The following ARID2 variants were observed in gnomAD, a reference collection of about 807,000 sequenced individuals.
The protein encoded by ARID2 is AT-rich interactive domain-containing protein 2.
ARID2 carries 32 observed loss-of-function variants against 184.6 expected under a neutral mutation model. The observed-to-expected ratio is 0.17, with a 90% CI of 0.13 to 0.23. The LOEUF (loss-of-function observed/expected upper bound fraction) is 0.23. ARID2 is among the 10% of genes least tolerant of loss of function. ARID2 has a pLI of 1.00. For synonymous variants in ARID2, 836 were observed against 772.6 expected (o/e 1.08, Z -1.36); for missense variants, 1,696 against 2,197.6 (o/e 0.77, Z 4.56).
In ARID2 at chr12:45,826,501, A is replaced by G. The variant is rs190137074; in HGVS notation, c.705+5014A>G. Among the ~76,000 whole-genome samples, 226 of 152,150 alleles carry G rather than the reference A, an allele frequency of 1.5e-3. 1 individual carries two copies. The highest frequency in any genetic ancestry group is 5.8e-4 in the East Asian group (3 of 5,172). On this transcript the variant is annotated intron_variant, in intron 6 of 20. Transcript: ENST00000334344. The stretch of plus-strand genomic sequence containing the variant: ...AGTGGTGCCATTGTAGTTCATTGCA[A>G]TGTCCTCGGCCCAAGGGATCCTCCT...
intron 5 of ARID2, 43 bp downstream of exon 5, chr12:45,817,931 GTT>G: frequency 7.5e-7 from 1 of 1,331,486 alleles, no homozygotes; most frequent in Non-Finnish European, 1.0e-6. Flanking sequence ...TTCTGTAAAA[GTT>G]TTTTTTTTAA....
chr12:45,879,568 C>G (rs1364864181), intron 16 of ARID2, among the ~76,000 whole-genome samples: 1 of 152,198 alleles, frequency 6.6e-6, no homozygotes, highest in African/African-American at 2.4e-5. Context: ...GGCTGATTCT[C>G]TGTATTCAAG....
intron 5 of ARID2, among the ~76,000 whole-genome samples, chr12:45,820,486 C>T (rs1286023028): frequency 2.0e-5 from 3 of 152,090 alleles, no homozygotes; most frequent in Non-Finnish European, 4.4e-5. Flanking sequence ...CATAACACGT[C>T]CAATAAGGAA....
intron 16 of ARID2, among the ~76,000 whole-genome samples, chr12:45,861,881 T>C (rs756976688): frequency 6.6e-6 from 1 of 152,162 alleles, no homozygotes; most frequent in Non-Finnish European, 1.5e-5. Context: ...CCAGCATTTG[T>C]TTTAATAGAC....
rs1433313806 is a variant in ARID2 at position 45,899,840 on chromosome 12, A to T, written c.5364-5094A>T. ...AATTTGAGCTAGTGCAATTGCTTTCATATTTCAAAATATGTCTATGTTACT... is the reference window on the plus strand; with the variant it reads ...AATTTGAGCTAGTGCAATTGCTTTCTTATTTCAAAATATGTCTATGTTACT... On this transcript the variant is annotated intron_variant, in intron 20 of 20. Transcript: ENST00000334344. Among the ~76,000 whole-genome samples the T allele has an allele frequency of 2.0e-5, 3 of 150,450 alleles. No homozygotes were observed. In the East Asian group the frequency reaches 5.9e-4, roughly 29 times the overall value.
At chr12:45,899,317 T>C (rs1448454827) in intron 20 of ARID2, among the ~76,000 whole-genome samples, 2 of 118,316 alleles carry the variant, frequency 1.7e-5, no homozygotes, top group Admixed American at 8.7e-5. Flanking sequence ...ACAAAAGTTA[T>C]AACCAGGCTG....
intron 3 of ARID2, among the ~76,000 whole-genome samples, chr12:45,798,518 T>C (rs530291715): frequency 4.6e-5 from 7 of 152,226 alleles, no homozygotes; most frequent in Non-Finnish European, 1.0e-4. Context: ...GTGTTATCTG[T>C]TCATGCTTTA....
chr12:45,853,914 A>G (rs2138183974), intron 15 of ARID2, among the ~76,000 whole-genome samples: 1 of 152,384 alleles, frequency 6.6e-6, no homozygotes, highest in East Asian at 1.9e-4. Flanking sequence ...ACTGACAGGT[A>G]CCAGTCCGTG....
chr12:45,740,894 A>C (rs927428551), intron 3 of ARID2, among the ~76,000 whole-genome samples: 1 of 152,176 alleles, frequency 6.6e-6, no homozygotes, highest in Non-Finnish European at 1.5e-5. Context: ...GGCAAGAGAC[A>C]TGTCATGTCA....
intron 4 of ARID2, among the ~76,000 whole-genome samples, chr12:45,815,600 T>A (rs1485433278): frequency 8.5e-6 from 1 of 118,242 alleles, no homozygotes; most frequent in Non-Finnish European, 1.6e-5. Flanking sequence ...TTAAAGAGAT[T>A]GTGTGTGTGT....
intron 15 of ARID2, among the ~76,000 whole-genome samples, chr12:45,859,981 C>G (rs1413323927): frequency 6.6e-6 from 1 of 152,178 alleles, no homozygotes; most frequent in African/African-American, 2.4e-5. Context: ...ATCCACCCCC[C>G]TGGGCCTCCC....
intron 3 of ARID2, among the ~76,000 whole-genome samples, chr12:45,798,427 A>G (rs772696196): frequency 5.9e-5 from 9 of 152,192 alleles, no homozygotes; most frequent in Admixed American, 2.6e-4. Context: ...CTCACCTCCT[A>G]CTGCCACTGC....
Position 45,851,076 on chromosome 12 carries a change from C to A in ARID2, c.2953C>A (p.Pro985Thr), listed in dbSNP as rs1943540081. 1 of 1,614,004 alleles carries A rather than the reference C, an allele frequency of 6.2e-7. No homozygotes were observed. Among genetic ancestry groups the A allele is most frequent in the Admixed American group, 1.7e-5 (1 of 59,998 alleles). The stretch of plus-strand genomic sequence containing the variant: ...TGTCCCAGCTACTAATAACCAAGTC[C>A]CTACTGCCATGTCGTCGTCCTCTAC... ...SPVPATNNQV[P>T]TAMSSSSTPQ... is the part of the protein sequence containing the mutation. Residue 985 changes from proline to threonine, a missense_variant, in exon 15 of 21, where the codon CCT becomes ACT. Transcript: ENST00000334344.
chr12:45,889,097 A>T (rs775022810), intron 16 of ARID2, among the ~76,000 whole-genome samples: 1 of 152,136 alleles, frequency 6.6e-6, no homozygotes. Flanking sequence ...CAAAAGAAAC[A>T]CTTGAACTCA....
At position 45,902,088 on chromosome 12, in the gene ARID2, T is replaced by C. The variant is rs1180199421; in HGVS notation, c.5364-2846T>C. 4.6e-5 allele frequency among the ~76,000 whole-genome samples: 7 copies of C among 152,216 alleles called. No homozygotes were observed. In the East Asian group the frequency reaches 1.3e-3, roughly 29 times the overall value. ...TTGTATCCTAAATGGTTTTTACTAG[T>C]GTTGCTTAGAAATTATTTTTATTAT... On this transcript the variant is annotated intron_variant, in intron 20 of 20. Coordinates refer to ENST00000334344, the MANE Select transcript of ARID2 (RefSeq NM_152641.4).
intron 12 of ARID2, among the ~76,000 whole-genome samples, chr12:45,848,475 T>C (rs950459095): frequency 6.6e-6 from 1 of 152,078 alleles, no homozygotes; most frequent in African/African-American, 2.4e-5. Flanking sequence ...TAGCACGTAA[T>C]TGGGAACTTG....
chr12:45,736,930 A>G (rs1194417762), intron 3 of ARID2, among the ~76,000 whole-genome samples: 1 of 152,192 alleles, frequency 6.6e-6, no homozygotes, highest in Non-Finnish European at 1.5e-5. Context: ...CCCCACAGTA[A>G]ATAGTGTAAC....
chr12:45,866,494 A>T (rs952005679), intron 16 of ARID2, among the ~76,000 whole-genome samples: 3 of 152,162 alleles, frequency 2.0e-5, no homozygotes, highest in South Asian at 2.1e-4. Flanking sequence ...CCAAATTGGG[A>T]ATTGCTGAGT....
chr12:45,781,823 T>C (rs1942095928), intron 3 of ARID2, among the ~76,000 whole-genome samples: 1 of 152,216 alleles, frequency 6.6e-6, no homozygotes. Context: ...CTTTAAGTGC[T>C]CTTAGCTAAA....
Sources: gnomAD v4.1 joint callset for allele counts (sites outside exome capture counted in the v4.1 genomes callset) on GRCh38, gnomAD v4.1.1 for gene constraint, MANE v1.5 for transcripts, NCBI Gene and HGNC (gene_info 2026-07-23, HGNC 2026-07-21) for gene names.